TUBGCP3: variants seen among roughly 807,000 people sequenced by gnomAD.
The protein encoded by TUBGCP3 is gamma-tubulin complex component 3.
In TUBGCP3, 50 loss-of-function variants were observed where a neutral mutation model predicts 123.1. That is an observed-to-expected ratio of 0.41 (90% CI 0.32 to 0.51). The LOEUF (loss-of-function observed/expected upper bound fraction) is 0.51, where lower values mean the gene tolerates loss of function less well. TUBGCP3 is among the 20% of genes least tolerant of loss of function. TUBGCP3 has a pLI of 0.36. For synonymous variants in TUBGCP3, 405 were observed against 413.9 expected (o/e 0.98, Z 0.26); for missense variants, 882 against 1,127.0 (o/e 0.78, Z 3.11).
chr13:112,577,795 A>T (rs1881945353), intron 1 of TUBGCP3, among the ~76,000 whole-genome samples: 1 of 152,212 alleles, frequency 6.6e-6, no homozygotes, highest in South Asian at 2.1e-4. Context: ...ACTTTTCACA[A>T]ATTCTGATTT....
At chr13:112,582,366 A>G (rs549767761) in intron 1 of TUBGCP3, among the ~76,000 whole-genome samples, 10 of 152,404 alleles carry the variant, frequency 6.6e-5, no homozygotes, top group Admixed American at 6.5e-4. Context: ...AATGTGGCAC[A>G]TAAGTACCCA....
At position 112,547,624 on chromosome 13, in the gene TUBGCP3, G is replaced by A. The variant is rs150129704; in HGVS notation, c.1164C>T (p.Cys388=). The change falls in exon 10 of 22, where the codon TGC becomes TGT. Residue 388 remains cysteine (C), a synonymous_variant. Transcript: ENST00000261965. ...LKTLAALVDH[C]QGRKGGELAS... is the part of the protein sequence containing the mutation. ...TGGGAAAGACGCGCGTGGGACCTTGGCAGTGGTCCACTAGGGCCGCAAGGG... is the reference window on the plus strand; with the variant it reads ...TGGGAAAGACGCGCGTGGGACCTTGACAGTGGTCCACTAGGGCCGCAAGGG... 1.8e-5 allele frequency: 27 copies of A among 1,535,024 alleles called. No homozygotes were observed. In the African/African-American group the frequency reaches 3.1e-4, roughly 17 times the overall value.
At chr13:112,506,596 C>T (rs1242554965) in intron 17 of TUBGCP3, among the ~76,000 whole-genome samples, 1 of 152,170 alleles carries the variant, frequency 6.6e-6, no homozygotes, top group Non-Finnish European at 1.5e-5. Context: ...TCCACATACC[C>T]CAAGTATCTT....
At chr13:112,539,169 T>C (rs1454364111) in intron 11 of TUBGCP3, among the ~76,000 whole-genome samples, 2 of 152,222 alleles carry the variant, frequency 1.3e-5, no homozygotes, top group Admixed American at 1.3e-4. Context: ...ATTGGTCTGA[T>C]GTAATCTTCA....
chr13:112,516,539 C>T lies in TUBGCP3; in HGVS notation c.1987G>A (p.Val663Ile). The T allele has an allele frequency of 1.9e-6, 3 of 1,614,148 alleles. No homozygotes were observed. Among genetic ancestry groups the T allele is most frequent in the Non-Finnish European group, 2.5e-6 (3 of 1,180,026 alleles). Residue 663 changes from valine (V) to isoleucine (I), a missense_variant, in exon 17 of 22, where the codon GTA becomes ATA. Transcript: ENST00000261965. ...TTCGCCCTCCAGAGGAAGTTAAATA[C>T]TCTTAGGTAGTGGCTCATACATTCT... Reference protein sequence around the residue: ...TRECMSHYLRVFNFLWRAKRM... With the variant: ...TRECMSHYLRIFNFLWRAKRM...
chr13:112,598,889 T>A, the TUBGCP3 span, among the ~76,000 whole-genome samples: 3 of 144,360 alleles, frequency 2.1e-5, no homozygotes, highest in Non-Finnish European at 4.5e-5. Context: ...GAGGTTGCAG[T>A]GAGCCAAAAT....
intron 4 of TUBGCP3, 71 bp downstream of exon 4, chr13:112,559,251 G>GA: frequency 7.9e-7 from 1 of 1,273,460 alleles, no homozygotes; most frequent in South Asian, 1.3e-5. Flanking sequence ...CTTAGCTGCA[G>GA]AAGCCGTTTC....
chr13:112,540,453 C>G (rs1263738658), intron 11 of TUBGCP3, among the ~76,000 whole-genome samples: 8 of 130,608 alleles, frequency 6.1e-5, no homozygotes, highest in African/African-American at 2.4e-4. Context: ...GGAATGAGGA[C>G]GTCAATGTAG....
chr13:112,549,070 G>C (rs1470534867), intron 8 of TUBGCP3, among the ~76,000 whole-genome samples: 1 of 152,144 alleles, frequency 6.6e-6, no homozygotes, highest in Non-Finnish European at 1.5e-5. Context: ...CAATAGCAAA[G>C]ACTTGGAACC....
chr13:112,514,002 C>T (rs1005827096), intron 17 of TUBGCP3, among the ~76,000 whole-genome samples: 4 of 152,136 alleles, frequency 2.6e-5, no homozygotes, highest in Non-Finnish European at 4.4e-5. Flanking sequence ...AAATTCATGG[C>T]GTATCCAACC....
intron 11 of TUBGCP3, among the ~76,000 whole-genome samples, chr13:112,536,002 C>A (rs1878017642): frequency 6.6e-6 from 1 of 152,212 alleles, no homozygotes; most frequent in Non-Finnish European, 1.5e-5. Flanking sequence ...GTCCTGTTAT[C>A]ATTTGCTGAA....
intron 20 of TUBGCP3, among the ~76,000 whole-genome samples, chr13:112,496,506 A>G (rs1296902290): frequency 1.3e-5 from 2 of 152,242 alleles, no homozygotes; most frequent in Non-Finnish European, 2.9e-5. Context: ...TTAAACTTAA[A>G]TAACTTCTCA....
In TUBGCP3 at chr13:112,545,713, C is replaced by T; in HGVS notation, c.1321G>A (p.Asp441Asn). Residue 441 changes from aspartate to asparagine, a missense_variant, in exon 11 of 22, where the codon GAC becomes AAC. This residue lies in a region of TUBGCP3 where 713 missense variants were observed against 874.0 expected (regional missense o/e 0.82). Transcript: ENST00000261965. This position sits in a 1 kb window ranked among gnomAD's most constrained non-coding sequence, Gnocchi z 4.1. ...YRWIYDGELEDTYHEFFVASD... is the reference protein window; with the variant it reads ...YRWIYDGELENTYHEFFVASD... Reference sequence around the variant, plus strand: ...CCGATCCTTACTTCGTGGTAAGTGTCCTCAAGCTCCCCATCATATATCCAG... The same window carrying T: ...CCGATCCTTACTTCGTGGTAAGTGTTCTCAAGCTCCCCATCATATATCCAG... 1 of 1,613,658 alleles carries T rather than the reference C, an allele frequency of 6.2e-7. No individual in the cohort carries two copies. Among genetic ancestry groups the T allele is most frequent in the Non-Finnish European group, 8.5e-7 (1 of 1,179,590 alleles).
chr13:112,559,447 C>A, intron 3 of TUBGCP3, 48 bp from the exon 4 acceptor site: 1 of 1,439,236 alleles, frequency 6.9e-7, no homozygotes, highest in Non-Finnish European at 9.6e-7. Context: ...ATACTACTCT[C>A]CAGCCTTATT....
chr13:112,526,664 AACATCATC>A (rs1234888098), intron 13 of TUBGCP3, among the ~76,000 whole-genome samples: 1 of 144,322 alleles, frequency 6.9e-6, no homozygotes, highest in Non-Finnish European at 1.5e-5. Flanking sequence ...ATCCATCCCC[AACATCATC>A]ACATCACCAT....
chr13:112,494,286 G>T (rs1234058742), intron 20 of TUBGCP3, among the ~76,000 whole-genome samples: 1 of 152,204 alleles, frequency 6.6e-6, no homozygotes, highest in East Asian at 1.9e-4. Context: ...TTCGGCACTG[G>T]TTCCTGCCTA....
intron 1 of TUBGCP3, among the ~76,000 whole-genome samples, chr13:112,584,946 A>G (rs1012077893): frequency 1.6e-4 from 25 of 152,274 alleles, no homozygotes; most frequent in African/African-American, 5.8e-4. Context: ...CACAGATGTT[A>G]TAAGTTGGAA....
the TUBGCP3 span, among the ~76,000 whole-genome samples, chr13:112,598,804 C>T: frequency 6.6e-6 from 1 of 151,900 alleles, no homozygotes; most frequent in African/African-American, 2.4e-5. Context: ...ATTAGCCGGG[C>T]ATCGTGGCGC....
intron 20 of TUBGCP3, among the ~76,000 whole-genome samples, chr13:112,490,058 A>T (rs1420235219): frequency 6.6e-6 from 1 of 152,238 alleles, no homozygotes; most frequent in East Asian, 1.9e-4. Context: ...GTATGTGTGA[A>T]AGTGGAACCA....
Sources: gnomAD v4.1 joint callset for allele counts (sites outside exome capture counted in the v4.1 genomes callset) on GRCh38, gnomAD v4.1.1 for gene constraint, gnomAD v4.1.1 regional missense constraint, Gnocchi (gnomAD v3.1) non-coding constraint, MANE v1.5 for transcripts, NCBI Gene and HGNC (gene_info 2026-07-23, HGNC 2026-07-21) for gene names.